PIEZO1: variants seen among roughly 807,000 people sequenced by gnomAD.
The protein encoded by PIEZO1 is piezo-type mechanosensitive ion channel component 1.
PIEZO1 carries 296 observed loss-of-function variants against 297.2 expected under a neutral mutation model. The observed-to-expected ratio is 1.00, with a 90% confidence interval of 0.91 to 1.10. PIEZO1 has a LOEUF of 1.10. Ranked by LOEUF, PIEZO1 falls within the 50% of genes least tolerant of loss-of-function variation. The probability of loss-of-function intolerance (pLI) is 0.00; values close to 1 mark genes in which losing one functional copy is unlikely to be tolerated. For synonymous variants in PIEZO1, 2,427 were observed against 1,507.5 expected, an observed-to-expected ratio of 1.61 and a Z score of -14.13; for missense variants, 5,018 against 3,455.5, an observed-to-expected ratio of 1.45 and a Z score of -11.34.
At chr16:88,772,124 G>C (rs887667593) in intron 1 of PIEZO1, among the ~76,000 whole-genome samples, 1 of 151,264 alleles carries the variant, frequency 6.6e-6, no homozygotes, top group Non-Finnish European at 1.5e-5. Flanking sequence ...TGGTCAGGAT[G>C]CCTGTCCACC....
At chr16:88,772,775 C>A (rs76049832) in intron 1 of PIEZO1, among the ~76,000 whole-genome samples, 121 of 122,362 alleles carry the variant, frequency 9.9e-4, no homozygotes, top group South Asian at 1.9e-3. Context: ...GAGACTCTGT[C>A]AAAAAAAAAA....
chr16:88,748,492 C>A (rs1003990700), intron 2 of PIEZO1, among the ~76,000 whole-genome samples: 6 of 113,798 alleles, frequency 5.3e-5, no homozygotes, highest in African/African-American at 9.0e-5. Context: ...CTCAGCTCCC[C>A]CCCCCCCCCG....
chr16:88,746,274 C>T (rs4782399), intron 2 of PIEZO1, among the ~76,000 whole-genome samples: 2 of 151,958 alleles, frequency 1.3e-5, no homozygotes, highest in African/African-American at 2.4e-5. Context: ...CCTCCCTGCA[C>T]GGGGCATGGT....
chr16:88,736,182 TGCTCCAGCCCCAGCTGGCGCAG>T lies in PIEZO1; in HGVS notation c.1501_1522del (p.Leu501ThrfsTer17). On this transcript the variant is annotated frameshift_variant, in exon 12 of 51. Transcript: ENST00000301015. LOFTEE classifies it high-confidence loss of function. ...AAGGTCCAGACAGGGGTAGCGGGTG[TGCTCCAGCCCCAGCTGGCGCAG>T]GCTGACGGGGCCCAGGGTGGTGGGC... 1 of 1,548,926 alleles carries T rather than the reference TGCTCCAGCCCCAGCTGGCGCAG, an allele frequency of 6.5e-7. No homozygotes were observed. The highest frequency in any genetic ancestry group is 8.7e-7 in the Non-Finnish European group (1 of 1,146,494).
In PIEZO1 at chr16:88,737,920, T is replaced by A. The variant is rs956707579; in HGVS notation, c.1020+14A>T. The A allele has an allele frequency of 6.5e-7, 1 of 1,529,954 alleles. No individual in the cohort carries two copies. The highest frequency in any genetic ancestry group is 2.5e-5 in the East Asian group (1 of 40,766). 94.8% of individuals were successfully genotyped at this position (1,529,954 alleles called of 1,614,324 possible). A position where few individuals can be genotyped will look rare whatever the true frequency, so the allele number is the denominator to read the frequency against. ...CTGGCCTCAGCCCACCCACCATGGG[T>A]GGCAGGTGCTCACCTGGCCGGAGGG... On this transcript the variant is annotated intron_variant, in intron 8 of 50. Transcript: ENST00000301015.
intron 2 of PIEZO1, among the ~76,000 whole-genome samples, chr16:88,747,449 G>C (rs2142858048): frequency 6.6e-6 from 1 of 152,374 alleles, no homozygotes; most frequent in African/African-American, 2.4e-5. Flanking sequence ...CCGCGAGGCG[G>C]AGGTTGCAGT....
intron 1 of PIEZO1, among the ~76,000 whole-genome samples, chr16:88,761,265 A>T (rs1340999090): frequency 6.6e-6 from 1 of 152,188 alleles, no homozygotes; most frequent in African/African-American, 2.4e-5. Context: ...TGACTCCACC[A>T]CGCCCATTTC....
At chr16:88,768,576 C>A (rs1007342462) in intron 1 of PIEZO1, among the ~76,000 whole-genome samples, 1 of 152,220 alleles carries the variant, frequency 6.6e-6, no homozygotes, top group African/African-American at 2.4e-5. Flanking sequence ...CCCGGGTGGC[C>A]CTGACAAGCA....
chr16:88,723,125 G>A lies in PIEZO1; in HGVS notation c.4465C>T (p.Pro1489Ser), dbSNP rs759257427. The change falls in exon 33 of 51, where the codon CCA (proline) becomes TCA (serine). Residue 1489 changes from proline (P) to serine (S), a missense_variant. Transcript: ENST00000301015. Reference protein sequence around the residue: ...TGGGPSQEVEPAEGPEEAAAG... With the variant: ...TGGGPSQEVESAEGPEEAAAG... ...GCTGCCTCCTCGGGGCCCTCTGCTG[G>A]CTCCACCTCCTGGCTGGGACCACCT... 67 of 1,548,734 alleles carry A rather than the reference G, an allele frequency of 4.3e-5. No homozygotes were observed. The highest frequency in any genetic ancestry group is 5.3e-5 in the Non-Finnish European group (61 of 1,146,820).
intron 13 of PIEZO1, 33 bp from the exon 14 acceptor site, chr16:88,735,086 CA>C: frequency 6.5e-7 from 1 of 1,549,942 alleles, no homozygotes; most frequent in Non-Finnish European, 8.7e-7. Context: ...GCGATGGCAT[CA>C]GGGCGGGCAG....
rs748155949 is a variant in PIEZO1 at position 88,731,721 on chromosome 16, G to A, written c.3181C>T (p.Pro1061Ser). The change falls in exon 22 of 51, where the codon CCG becomes TCG. Residue 1061 changes from proline to serine, a missense_variant. Coordinates refer to ENST00000301015, the MANE Select transcript of PIEZO1 (RefSeq NM_001142864.4). ...TGCCCCTCACCAATGCACAGGGCCG[G>A]GGGCATCCCCAGGCACAGCAGGTAC... ...YQYLLCLGMP[P>S]ALCIDYPWRW... 1 of 1,549,700 alleles carries A rather than the reference G, an allele frequency of 6.5e-7. No individual in the cohort carries two copies. Among genetic ancestry groups the A allele is most frequent in the Non-Finnish European group, 8.7e-7 (1 of 1,146,798 alleles).
At chr16:88,756,810 C>T (rs1303267979) in intron 1 of PIEZO1, among the ~76,000 whole-genome samples, 15 of 151,764 alleles carry the variant, frequency 9.9e-5, no homozygotes, top group Admixed American at 4.6e-4. Context: ...GGTGCAGTGG[C>T]TCATGCCTGT....
chr16:88,742,761 A>G (rs1489403296), intron 2 of PIEZO1: 1 of 353,596 alleles, frequency 2.8e-6, no homozygotes, highest in African/African-American at 2.1e-5. Flanking sequence ...TTGTGGAAGC[A>G]GAGGAAATAG....
intron 1 of PIEZO1, among the ~76,000 whole-genome samples, chr16:88,757,393 G>A (rs1906728558): frequency 6.6e-6 from 1 of 151,256 alleles, no homozygotes; most frequent in African/African-American, 2.4e-5. Context: ...CAGTGCCTGA[G>A]AGTGTGTGGA....
intron 1 of PIEZO1, among the ~76,000 whole-genome samples, chr16:88,757,276 C>G (rs1168151484): frequency 7.3e-6 from 1 of 136,826 alleles, no homozygotes; most frequent in Non-Finnish European, 1.5e-5. Context: ...GGCAGCGCAG[C>G]AGCACCTGGT....
chr16:88,736,699 G>C lies in PIEZO1; in HGVS notation c.1236C>G (p.Leu412=), dbSNP rs1337927854. 1.3e-6 allele frequency: 2 copies of C among 1,532,956 alleles called. No homozygotes were observed. The highest frequency in any genetic ancestry group is 8.7e-7 in the Non-Finnish European group (1 of 1,145,646). 95.0% of individuals were successfully genotyped at this position (1,532,956 alleles called of 1,614,324 possible). Residue 412 remains leucine, a synonymous_variant, in exon 11 of 51, where the codon CTC becomes CTG. Coordinates refer to ENST00000301015, the MANE Select transcript of PIEZO1 (RefSeq NM_001142864.4). ...CCATGATGAGGTGGCCCAGGCTGTG[G>C]AGCGGAGACGCCTCCCTGGGCTCAG... ...KRAEPREASP[L]HSLGHLIMDQ...
At chr16:88,749,081 C>G (rs1449391378) in intron 2 of PIEZO1, among the ~76,000 whole-genome samples, 6 of 147,814 alleles carry the variant, frequency 4.1e-5, no homozygotes, top group African/African-American at 1.5e-4. Context: ...ACTAAAAATA[C>G]AAAAAAAAAT....
rs1159155186 is a variant in PIEZO1, at chr16:88,723,085, G to T, written c.4495+10C>A. On this transcript the variant is annotated intron_variant, in intron 33 of 50. Transcript: ENST00000301015. ...GAGACCTCCCACTCCCCAGCCCCGG[G>T]CCCACGTACCTGCCGCTGCCTCCTC... 2 of 1,547,052 alleles carry T rather than the reference G, an allele frequency of 1.3e-6. No homozygotes were observed. The highest frequency in any genetic ancestry group is 1.7e-6 in the Non-Finnish European group (2 of 1,146,494).
In PIEZO1 at chr16:88,719,888, G is replaced by T; in HGVS notation, c.6237C>A (p.Tyr2079Ter). 1 of 1,550,550 alleles carries T rather than the reference G, an allele frequency of 6.4e-7. No individual in the cohort carries two copies. Residue 2079 changes from tyrosine (Y) to a stop codon, truncating the protein, a stop_gained, in exon 43 of 51, where the codon TAC becomes TAA. Coordinates refer to ENST00000301015, the MANE Select transcript of PIEZO1 (RefSeq NM_001142864.4). LOFTEE classifies it high-confidence loss of function. ...VKCIYFALSA[Y>*]QIRCGYPTRI... is the part of the protein sequence containing the mutation. ...GGGTGGGGTAGCCGCAGCGGATCTGGTAGGCGGACAGGGCGAAGTAGATGC... is the reference window on the plus strand; with the variant it reads ...GGGTGGGGTAGCCGCAGCGGATCTGTTAGGCGGACAGGGCGAAGTAGATGC...
Sources: allele counts gnomAD v4.1 joint callset (sites outside exome capture counted in the v4.1 genomes callset), GRCh38; gene constraint gnomAD v4.1.1; transcripts MANE v1.5; gene names NCBI Gene and HGNC (gene_info 2026-07-23, HGNC 2026-07-21).